GNAS-AS1: variants seen among roughly 807,000 people sequenced by gnomAD.
The protein encoded by GNAS-AS1 is GNAS antisense RNA 1.
In GNAS-AS1 at chr20:58,840,536, G is replaced by A. The variant is rs749355517; in HGVS notation, n.819+1401C>T. On this transcript the variant is annotated intron_variant and non_coding_transcript_variant, in intron 4 of 4. Coordinates refer to ENST00000424094, the Ensembl canonical transcript of GNAS-AS1. The surrounding 1 kb of genome is among the most constrained non-coding windows in gnomAD (Gnocchi z 6.0). ...TGAGCCCGAGACCGAGCCTGAAGAC[G>A]ATCGCGGCCCGGTGGTGCCCAAGCA... The A allele has an allele frequency of 1.2e-6, 2 of 1,613,500 alleles. No homozygotes were observed. The highest frequency in any genetic ancestry group is 1.7e-6 in the Non-Finnish European group (2 of 1,180,000).
chr20:58,819,608 C>A (rs2085471759), intron 4 of GNAS-AS1, among the ~76,000 whole-genome samples: 1 of 152,106 alleles, frequency 6.6e-6, no homozygotes, highest in African/African-American at 2.4e-5. Flanking sequence ...GAGTCAAATT[C>A]TTCAGGGCCC....
At chr20:58,845,011 G>C (rs2085891505) in intron 2 of GNAS-AS1, among the ~76,000 whole-genome samples, 1 of 147,076 alleles carries the variant, frequency 6.8e-6, no homozygotes, top group Non-Finnish European at 1.5e-5. Flanking sequence ...GCCATCCTGA[G>C]AGTCGTATTT....
intron 4 of GNAS-AS1, chr20:58,824,120 A>G: frequency 2.5e-6 from 1 of 398,662 alleles, no homozygotes; most frequent in Non-Finnish European, 4.4e-6. Flanking sequence ...TCAGAGCCAC[A>G]AATCCAGAAG....
chr20:58,840,990 G>C lies in GNAS-AS1; in HGVS notation n.819+947C>G, dbSNP rs1047219979. 2 of 1,266,012 alleles carry C rather than the reference G, an allele frequency of 1.6e-6. No individual in the cohort carries two copies. Among genetic ancestry groups the C allele is most frequent in the South Asian group, 1.3e-5 (1 of 78,204 alleles). 78.4% of individuals were successfully genotyped at this position (1,266,012 alleles called of 1,614,324 possible). A position where few individuals can be genotyped will look rare whatever the true frequency, so the allele number is the denominator to read the frequency against. On this transcript the variant is annotated intron_variant and non_coding_transcript_variant, in intron 4 of 4. Coordinates refer to ENST00000424094, the Ensembl canonical transcript of GNAS-AS1. This position sits in a 1 kb window ranked among gnomAD's most constrained non-coding sequence, Gnocchi z 6.0. ...GGCAGGTCAGGGGCGAGTGGGAAGAGAGGAGGCTCAGCTGGTCAGCCTGGG... is the reference window on the plus strand; with the variant it reads ...GGCAGGTCAGGGGCGAGTGGGAAGACAGGAGGCTCAGCTGGTCAGCCTGGG...
intron 4 of GNAS-AS1, among the ~76,000 whole-genome samples, chr20:58,827,581 G>A (rs569550713): frequency 4.6e-5 from 7 of 152,352 alleles, no homozygotes; most frequent in South Asian, 4.1e-4. Flanking sequence ...CTGAATGCAC[G>A]TCGACAGGGA....
rs996833086 is a variant in GNAS-AS1, at chr20:58,849,012, G to A, written n.375-95C>T. 48 of 397,524 alleles carry A rather than the reference G, an allele frequency of 1.2e-4. 1 individual carries two copies. The East Asian group carries it at 1.4e-3, about 12-fold the overall frequency. The allele number at this position is 397,524 out of a possible 1,614,324, so 24.6% of individuals were successfully genotyped here. On this transcript the variant is annotated intron_variant and non_coding_transcript_variant, in intron 1 of 4. Transcript: ENST00000424094. The stretch of plus-strand genomic sequence containing the variant: ...AGTCTTAATTTATCTTTAAATTAAG[G>A]CAATTCCTATTTAAATCTAAGGGTC...
chr20:58,838,039 C>T (rs2085619244), intron 4 of GNAS-AS1, among the ~76,000 whole-genome samples: 1 of 152,128 alleles, frequency 6.6e-6, no homozygotes, highest in Non-Finnish European at 1.5e-5. Context: ...TTTTAAGATT[C>T]CCCATACTGA....
In GNAS-AS1 at chr20:58,839,797, T is replaced by C. The variant is rs369024311; in HGVS notation, n.819+2140A>G. 81 of 577,848 alleles carry C rather than the reference T, an allele frequency of 1.4e-4. 1 individual carries two copies. The highest frequency in any genetic ancestry group is 1.1e-3 in the African/African-American group (57 of 53,474). The allele number at this position is 577,848 out of a possible 1,614,324, so 35.8% of individuals were successfully genotyped here. ...AAGAGGACCGGCGGAGGCACCTCTC[T>C]CGAGTCTTAGGCTGCGGAATCTAAG... is the stretch of plus-strand genomic sequence containing the variant. On this transcript the variant is annotated intron_variant and non_coding_transcript_variant, in intron 4 of 4. Coordinates refer to ENST00000424094, the Ensembl canonical transcript of GNAS-AS1.
intron 4 of GNAS-AS1, among the ~76,000 whole-genome samples, chr20:58,830,516 CCACCACACCACCATCA>C (rs1568900543): frequency 1.7e-3 from 12 of 7,018 alleles, no homozygotes; most frequent in Admixed American, 5.3e-3. Flanking sequence ...ACCATCATCA[CCACCACACCACCATCA>C]TACCATCAGC....
intron 2 of GNAS-AS1, among the ~76,000 whole-genome samples, chr20:58,846,516 G>A (rs2085945598): frequency 6.6e-6 from 1 of 152,178 alleles, no homozygotes; most frequent in South Asian, 2.1e-4. Flanking sequence ...TACACTCAAA[G>A]AGAAAGATTT....
intron 2 of GNAS-AS1, among the ~76,000 whole-genome samples, chr20:58,843,089 ACT>A (rs2085800346): frequency 1.3e-5 from 2 of 152,116 alleles, no homozygotes; most frequent in Admixed American, 1.3e-4. Context: ...AGGAACACAC[ACT>A]GTCTTTCAGA....
intron 4 of GNAS-AS1, among the ~76,000 whole-genome samples, chr20:58,828,956 C>A (rs1370812046): frequency 2.1e-5 from 3 of 140,696 alleles, no homozygotes; most frequent in Non-Finnish European, 4.6e-5. Context: ...GAGCTCCTGG[C>A]CCCACCGCCC....
intron 4 of GNAS-AS1, among the ~76,000 whole-genome samples, chr20:58,829,390 C>A (rs2085540414): frequency 6.6e-6 from 1 of 152,204 alleles, no homozygotes; most frequent in African/African-American, 2.4e-5. Flanking sequence ...TTAAAATAGA[C>A]AACTTGATTT....
At chr20:58,836,990 G>C (rs1234489409) in intron 4 of GNAS-AS1, among the ~76,000 whole-genome samples, 1 of 152,136 alleles carries the variant, frequency 6.6e-6, no homozygotes, top group African/African-American at 2.4e-5. Context: ...GGCAATCTCG[G>C]TGTATCTATA....
At chr20:58,822,454 T>G (rs1235697955) in intron 4 of GNAS-AS1, among the ~76,000 whole-genome samples, 1 of 152,144 alleles carries the variant, frequency 6.6e-6, no homozygotes, top group African/African-American at 2.4e-5. Flanking sequence ...CCCAGAAAAC[T>G]AGAGGCTCCA....
chr20:58,819,949 C>A (rs1055237224), intron 4 of GNAS-AS1, among the ~76,000 whole-genome samples: 1 of 152,228 alleles, frequency 6.6e-6, no homozygotes, highest in East Asian at 1.9e-4. Flanking sequence ...CCTCGCACCC[C>A]GCCCCAGGTG....
chr20:58,821,124 C>T (rs997585425), intron 4 of GNAS-AS1, among the ~76,000 whole-genome samples: 6 of 152,236 alleles, frequency 3.9e-5, no homozygotes, highest in Non-Finnish European at 8.8e-5. Context: ...AGTGCCATGG[C>T]CGTGGGCTGC....
rs1192865497 is a variant in GNAS-AS1 at position 58,841,949 on chromosome 20, A to G, written n.807T>C. On this transcript the variant is annotated non_coding_transcript_exon_variant, in exon 4 of 5. Coordinates refer to ENST00000424094, the Ensembl canonical transcript of GNAS-AS1. This position sits in a 1 kb window ranked among gnomAD's most constrained non-coding sequence, Gnocchi z 5.0. Reference sequence around the variant, plus strand: ...CAGGATAACTTACAATTCGTTTCCAAAGAGCGCGGTACGCGCAGAGCTGGG... The same window carrying G: ...CAGGATAACTTACAATTCGTTTCCAGAGAGCGCGGTACGCGCAGAGCTGGG... 1.5e-5 allele frequency: 17 copies of G among 1,163,988 alleles called. No homozygotes were observed. The highest frequency in any genetic ancestry group is 1.8e-5 in the Non-Finnish European group (17 of 926,228). The allele number at this position is 1,163,988 out of a possible 1,614,324, so 72.1% of individuals were successfully genotyped here.
Position 58,841,226 on chromosome 20 carries a change from G to C in GNAS-AS1, n.819+711C>G, listed in dbSNP as rs1438923844. ...CTGCACACCCAAACGGCATTGGTAA[G>C]TCACTTGTTTTGCGCGCTTTTCTTC... On this transcript the variant is annotated intron_variant and non_coding_transcript_variant, in intron 4 of 4. Coordinates refer to ENST00000424094, the Ensembl canonical transcript of GNAS-AS1. This position sits in a 1 kb window ranked among gnomAD's most constrained non-coding sequence, Gnocchi z 5.0. 2.6e-6 allele frequency: 2 copies of C among 765,770 alleles called. No individual in the cohort carries two copies. Among genetic ancestry groups the C allele is most frequent in the Non-Finnish European group, 3.4e-6 (2 of 580,574 alleles). The allele number at this position is 765,770 out of a possible 1,614,324, so 47.4% of individuals were successfully genotyped here. A position where few individuals can be genotyped will look rare whatever the true frequency, so the allele number is the denominator to read the frequency against.
Sources: allele counts gnomAD v4.1 joint callset (sites outside exome capture counted in the v4.1 genomes callset), GRCh38; gene constraint gnomAD v4.1.1; non-coding constraint Gnocchi (gnomAD v3.1); transcripts MANE v1.5; gene names NCBI Gene and HGNC (gene_info 2026-07-23, HGNC 2026-07-21).